The following BLTP1 variants were observed in gnomAD, a reference collection of about 807,000 sequenced individuals.
BLTP1 encodes fragile site-associated protein.
the BLTP1 span, among the ~76,000 whole-genome samples, chr4:122,218,349 T>G: frequency 6.6e-6 from 1 of 152,152 alleles, no homozygotes; most frequent in Non-Finnish European, 1.5e-5. Context: ...TCAAGCAGGT[T>G]TCAAGTGGCA....
At chr4:122,336,136 C>G in the BLTP1 span, 1 of 1,402,482 alleles carries the variant, frequency 7.1e-7, no homozygotes, top group Non-Finnish European at 9.7e-7. Context: ...ATTCAAATTT[C>G]TGTTTAATTG....
chr4:122,185,935 A>C, the BLTP1 span: 1 of 947,642 alleles, frequency 1.1e-6, no homozygotes, highest in Non-Finnish European at 1.5e-6. Context: ...ATTCTATTTT[A>C]AAATAAATTG....
At chr4:122,220,044 G>A in the BLTP1 span, among the ~76,000 whole-genome samples, 1 of 152,144 alleles carries the variant, frequency 6.6e-6, no homozygotes, top group Non-Finnish European at 1.5e-5. Context: ...TGTTCTGGCT[G>A]ACATGGAATG....
At chr4:122,340,796 C>T in the BLTP1 span, 5 of 972,652 alleles carry the variant, frequency 5.1e-6, no homozygotes, top group Non-Finnish European at 6.1e-6. Context: ...AAAACATTTT[C>T]TGATTATAAA....
the BLTP1 span, chr4:122,271,193 A>C: frequency 6.2e-7 from 1 of 1,613,834 alleles, no homozygotes; most frequent in South Asian, 1.1e-5. Context: ...CTGCAACTTT[A>C]CTATTTCCTG....
the BLTP1 span, among the ~76,000 whole-genome samples, chr4:122,353,518 T>C: frequency 0.053 from 8,096 of 152,284 alleles, 732 homozygotes; most frequent in African/African-American, 0.18. The surrounding 1 kb of genome is among the most constrained non-coding windows in gnomAD (Gnocchi z 4.3). Context: ...GCTGTGCTTT[T>C]ATCTCTACAG....
At chr4:122,214,382 C>T in the BLTP1 span, 19 of 954,120 alleles carry the variant, frequency 2.0e-5, no homozygotes, top group East Asian at 1.2e-3. Flanking sequence ...CACATTTTCT[C>T]GGTTCTATAA....
chr4:122,271,801 A>G, the BLTP1 span: 10 of 979,760 alleles, frequency 1.0e-5, no homozygotes, highest in South Asian at 1.8e-5. Flanking sequence ...ACTGTTCATC[A>G]TGTTTTCTTA....
the BLTP1 span, among the ~76,000 whole-genome samples, chr4:122,257,955 A>G: frequency 1.3e-5 from 2 of 152,160 alleles, no homozygotes; most frequent in African/African-American, 2.4e-5. Flanking sequence ...TAAAACTTGT[A>G]TTTGTCTGTC....
At chr4:122,170,547 T>TC in the BLTP1 span, 3 of 1,404,180 alleles carry the variant, frequency 2.1e-6, no homozygotes, top group Non-Finnish European at 2.8e-6. Flanking sequence ...ACCCTTTTTT[T>TC]CCCTTAATGA....
chr4:122,305,311 T>C, the BLTP1 span: 2 of 971,056 alleles, frequency 2.1e-6, no homozygotes, highest in Non-Finnish European at 2.4e-6. Context: ...AAATGTTAAG[T>C]GTATACCTTT....
chr4:122,306,083 A>C, the BLTP1 span: 1 of 1,545,098 alleles, frequency 6.5e-7, no homozygotes, highest in Non-Finnish European at 8.7e-7. Flanking sequence ...TCTGGGATCT[A>C]GGAATGCTTT....
chr4:122,247,813 C>T, the BLTP1 span: 1 of 989,418 alleles, frequency 1.0e-6, no homozygotes, highest in South Asian at 4.6e-5. Context: ...TCTTAAAGTC[C>T]CTAGTTAGGT....
chr4:122,153,144 G>T, the BLTP1 span: 19 of 263,486 alleles, frequency 7.2e-5, no homozygotes, highest in Non-Finnish European at 1.0e-4. Context: ...CTTCCGGAGA[G>T]TATTAGTTGT....
At chr4:122,333,829 G>A in the BLTP1 span, 2 of 1,596,852 alleles carry the variant, frequency 1.3e-6, no homozygotes, top group African/African-American at 2.7e-5. Context: ...CAATTGCCTA[G>A]GGTAAGGGAT....
the BLTP1 span, chr4:122,247,063 T>C: frequency 7.1e-7 from 1 of 1,410,442 alleles, no homozygotes; most frequent in Non-Finnish European, 9.6e-7. Context: ...TAGTAGAGTG[T>C]TTTGTTTTTT....
At chr4:122,209,983 G>A in the BLTP1 span, 10 of 1,559,622 alleles carry the variant, frequency 6.4e-6, no homozygotes, top group African/African-American at 1.2e-4. Flanking sequence ...TGATAATCAT[G>A]AAAAATAAGA....
At chr4:122,287,703 CT>C in the BLTP1 span, 1 of 985,094 alleles carries the variant, frequency 1.0e-6, no homozygotes, top group Non-Finnish European at 1.2e-6. Context: ...ATATTTAAGT[CT>C]GATTTACCTT....
the BLTP1 span, among the ~76,000 whole-genome samples, chr4:122,168,076 T>A: frequency 3.3e-5 from 5 of 152,254 alleles, no homozygotes; most frequent in African/African-American, 1.2e-4. Flanking sequence ...AGGGGCTTTT[T>A]AAATCTTAGC....
Sources: gnomAD v4.1 joint callset for allele counts (sites outside exome capture counted in the v4.1 genomes callset) on GRCh38, gnomAD v4.1.1 for gene constraint, Gnocchi (gnomAD v3.1) non-coding constraint, MANE v1.5 for transcripts, NCBI Gene and HGNC (gene_info 2026-07-23, HGNC 2026-07-21) for gene names.